Variants in VNN1 observed in about 807,000 individuals in gnomAD.
The protein encoded by VNN1 is pantetheinase.
Under a neutral mutation model 41.9 loss-of-function variants are expected in VNN1, and 29 were observed. That is an observed-to-expected ratio of 0.69 (90% CI 0.52 to 0.94). The LOEUF is 0.94. Among genes scored for constraint, VNN1 ranks in the 40% least tolerant of loss-of-function variants. The pLI, the probability that VNN1 is intolerant of heterozygous loss-of-function variation, is 0.00. For missense variants in VNN1, 637 were observed against 621.1 expected, an observed-to-expected ratio of 1.03 and a Z score of -0.27; for synonymous variants, 233 against 224.4, an observed-to-expected ratio of 1.04 and a Z score of -0.34.
chr6:132,703,036 A>G (rs1407164126), intron 2 of VNN1, among the ~76,000 whole-genome samples: 1 of 152,226 alleles, frequency 6.6e-6, no homozygotes, highest in African/African-American at 2.4e-5. Context: ...ACTTAGCCAC[A>G]GTAACATGAA....
At position 132,690,739 on chromosome 6, in the gene VNN1, A is replaced by T. The variant is rs146125304; in HGVS notation, c.1188+1484T>A. Among the ~76,000 whole-genome samples, 968 of 151,936 alleles carry T rather than the reference A, an allele frequency of 6.4e-3. 7 individuals are homozygous for T. The highest frequency in any genetic ancestry group is 0.024 in the Middle Eastern group (7 of 294). ...TAAAACGAAAAAGTATTGTTAGGGT[A>T]GTTATCATAGAGCAAACAAAATACT... On this transcript the variant is annotated intron_variant, in intron 5 of 6. Transcript: ENST00000367928.
At chr6:132,684,546 T>C (rs375886609) in intron 5 of VNN1, 41 bp from the exon 6 acceptor site, 2 of 1,604,232 alleles carry the variant, frequency 1.2e-6, no homozygotes, top group Admixed American at 3.4e-5. Context: ...AAGAAAGTCA[T>C]GTGGGATATG....
chr6:132,696,949 C>CA (rs1778383184), intron 2 of VNN1, among the ~76,000 whole-genome samples: 2 of 151,728 alleles, frequency 1.3e-5, no homozygotes, highest in Non-Finnish European at 1.5e-5. Context: ...ACTAAAAATA[C>CA]AAAAAATTAG....
chr6:132,690,278 A>T (rs887742978), intron 5 of VNN1, among the ~76,000 whole-genome samples: 1 of 152,186 alleles, frequency 6.6e-6, no homozygotes. Context: ...TGTGCTAGGT[A>T]AGATCCTGCA....
At chr6:132,709,176 T>C (rs928222456) in intron 2 of VNN1, among the ~76,000 whole-genome samples, 2 of 151,554 alleles carry the variant, frequency 1.3e-5, no homozygotes, top group African/African-American at 4.9e-5. Flanking sequence ...AAGATACCTA[T>C]ATAAAGATAG....
chr6:132,693,347 T>A (rs1292424475), intron 3 of VNN1, 32 bp from the exon 4 acceptor site: 3 of 1,548,134 alleles, frequency 1.9e-6, no homozygotes, highest in South Asian at 1.3e-5. Context: ...GAGAAAAAAA[T>A]TATTTTAGGA....
chr6:132,693,013 T>C lies in VNN1; in HGVS notation c.826+11A>G. On this transcript the variant is annotated intron_variant, in intron 4 of 6. Transcript: ENST00000367928. ...TACATCAGCCTGCATATCTTTAAGA[T>C]CACACATTACCTGTCATTTTCTTTG... 1 of 1,585,456 alleles carries C rather than the reference T, an allele frequency of 6.3e-7. No homozygotes were observed.
rs1461079937 is a variant in VNN1 at position 132,682,659 on chromosome 6, C to T, written c.*481G>A. On this transcript the variant is annotated 3_prime_UTR_variant, in exon 7 of 7. Coordinates refer to ENST00000367928, the MANE Select transcript of VNN1 (RefSeq NM_004666.3). The stretch of plus-strand genomic sequence containing the variant: ...ACAGTCACATTCTGAGGTGCTTCAA[C>T]ATGTAAATTTTGGGGAGACATTATC... 6.6e-6 allele frequency: 1 copy of T among 152,570 alleles called. No homozygotes were observed. The highest frequency in any genetic ancestry group is 1.5e-5 in the Non-Finnish European group (1 of 68,412). The allele number at this position is 152,570 out of a possible 1,614,324, so 9.5% of individuals were successfully genotyped here.
chr6:132,714,016 G>A lies in VNN1; in HGVS notation c.20C>T (p.Ala7Val). The A allele has an allele frequency of 6.2e-7, 1 of 1,613,388 alleles. No homozygotes were observed. The highest frequency in any genetic ancestry group is 1.1e-5 in the South Asian group (1 of 91,014). The part of the protein sequence containing the change: MTTQLP[A>V]YVAILLFYVS... ...ATAGAAAAGCAAAATTGCCACGTAA[G>A]CTGGCAACTGAGTAGTCATGCTGAA... The change falls in exon 1 of 7, where the codon GCT becomes GTT. Residue 7 changes from alanine (A) to valine (V), a missense_variant. Ala to Val is a moderately conservative substitution (Grantham distance 64). Transcript: ENST00000367928.
rs183703581 is a variant in VNN1, at chr6:132,681,649, T to C, written c.*1491A>G. ...CCAACACATCAATATGTTTTCTGTT[T>C]TACATTGAAATTATATGAGAATACA... On this transcript the variant is annotated 3_prime_UTR_variant, in exon 7 of 7. Transcript: ENST00000367928. The C allele has an allele frequency of 6.6e-6, 1 of 152,612 alleles. No individual in the cohort carries two copies. Among genetic ancestry groups the C allele is most frequent in the Non-Finnish European group, 1.5e-5 (1 of 68,038 alleles). 9.5% of individuals were successfully genotyped at this position (152,612 alleles called of 1,614,324 possible).
chr6:132,692,095 T>A, intron 5 of VNN1, 128 bp downstream of exon 5: 1 of 1,099,162 alleles, frequency 9.1e-7, no homozygotes, highest in Non-Finnish European at 1.2e-6. Context: ...AACAAAATTT[T>A]TAGCATACAT....
chr6:132,712,893 G>A (rs2114380619), intron 1 of VNN1, among the ~76,000 whole-genome samples: 1 of 152,282 alleles, frequency 6.6e-6, no homozygotes. Context: ...CCAGCACTTT[G>A]GGAGCCCAAG....
Position 132,714,006 on chromosome 6 carries a change from T to C in VNN1, c.30A>G (p.Ala10=). 1 of 1,613,898 alleles carries C rather than the reference T, an allele frequency of 6.2e-7. No homozygotes were observed. The highest frequency in any genetic ancestry group is 8.5e-7 in the Non-Finnish European group (1 of 1,179,920). MTTQLPAYV[A]ILLFYVSRAS... The stretch of plus-strand genomic sequence containing the variant: ...CTCTTGAGACATAGAAAAGCAAAAT[T>C]GCCACGTAAGCTGGCAACTGAGTAG... Residue 10 remains alanine, a synonymous_variant, in exon 1 of 7, where the codon GCA becomes GCG. Coordinates refer to ENST00000367928, the MANE Select transcript of VNN1 (RefSeq NM_004666.3).
intron 2 of VNN1, among the ~76,000 whole-genome samples, chr6:132,705,019 T>C (rs1298090709): frequency 6.6e-6 from 1 of 151,688 alleles, no homozygotes; most frequent in Non-Finnish European, 1.5e-5. Flanking sequence ...TAACAAATAA[T>C]AAGATTGAAG....
chr6:132,703,026 A>G (rs1471075716), intron 2 of VNN1, among the ~76,000 whole-genome samples: 2 of 152,130 alleles, frequency 1.3e-5, no homozygotes, highest in African/African-American at 4.8e-5. Context: ...TTGGGTACCA[A>G]CTTAGCCACA....
chr6:132,700,535 T>A (rs1222286593), intron 2 of VNN1, among the ~76,000 whole-genome samples: 1 of 152,048 alleles, frequency 6.6e-6, no homozygotes, highest in Non-Finnish European at 1.5e-5. Context: ...CCAAACCCTG[T>A]TCTAGTCTGG....
chr6:132,690,157 T>G lies in VNN1; in HGVS notation c.1188+2066A>C, dbSNP rs150342580. On this transcript the variant is annotated intron_variant, in intron 5 of 6. Transcript: ENST00000367928. ...TCTTTTGGGTCTTTGCTCCATCATC[T>G]ACAGAGTAGTAAAAATGATATATTC... is the stretch of plus-strand genomic sequence containing the variant. Among the ~76,000 whole-genome samples the G allele has an allele frequency of 2.3e-3, 356 of 152,316 alleles. 1 individual carries two copies. The highest frequency in any genetic ancestry group is 7.7e-3 in the African/African-American group (320 of 41,564).
chr6:132,687,590 T>C (rs1778226638), intron 5 of VNN1, among the ~76,000 whole-genome samples: 1 of 151,802 alleles, frequency 6.6e-6, no homozygotes, highest in African/African-American at 2.4e-5. Flanking sequence ...AAGGAGCAAA[T>C]AAAGGTAGAA....
chr6:132,692,164 G>C, intron 5 of VNN1, 59 bp downstream of exon 5: 3 of 1,481,070 alleles, frequency 2.0e-6, no homozygotes, highest in African/African-American at 1.4e-5. Context: ...TATCTAAACT[G>C]TATATTTAAC....
Sources: gnomAD v4.1 joint callset for allele counts (sites outside exome capture counted in the v4.1 genomes callset) on GRCh38, gnomAD v4.1.1 for gene constraint, MANE v1.5 for transcripts, NCBI Gene and HGNC (gene_info 2026-07-23, HGNC 2026-07-21) for gene names.